ABCC4: variants seen among roughly 807,000 people sequenced by gnomAD.
ABCC4 encodes the protein ATP-binding cassette sub-family C member 4.
A neutral mutation model predicts 168.5 loss-of-function variants in ABCC4; 102 were observed. The ratio of observed to expected loss-of-function variants is 0.61; its 90% confidence interval spans 0.52 to 0.71. The LOEUF (loss-of-function observed/expected upper bound fraction) is 0.71, where lower values mean the gene tolerates loss of function less well. Ranked by LOEUF, ABCC4 falls within the 30% of genes least tolerant of loss-of-function variation. ABCC4 has a pLI of 0.00. For missense variants in ABCC4, 1,402 were observed against 1,605.8 expected, an observed-to-expected ratio of 0.87 and a Z score of 2.17; for synonymous variants, 617 against 590.7, an observed-to-expected ratio of 1.04 and a Z score of -0.65.
chr13:95,282,181 C>T (rs1412501108), intron 1 of ABCC4, among the ~76,000 whole-genome samples: 1 of 151,732 alleles, frequency 6.6e-6, no homozygotes, highest in Non-Finnish European at 1.5e-5. Context: ...CAATCACATT[C>T]TGAAGTACTA....
At chr13:95,195,207 C>T (rs937422753) in intron 8 of ABCC4, among the ~76,000 whole-genome samples, 3 of 151,972 alleles carry the variant, frequency 2.0e-5, no homozygotes, top group African/African-American at 7.3e-5. Context: ...CTAAATAAAC[C>T]GAAAATACTG....
chr13:95,110,569 T>C (rs1163794623), intron 20 of ABCC4, among the ~76,000 whole-genome samples: 2 of 152,200 alleles, frequency 1.3e-5, no homozygotes, highest in East Asian at 1.9e-4. Context: ...AAGATATTAT[T>C]AATACAAATA....
chr13:95,116,619 G>A (rs1158143614), intron 19 of ABCC4, among the ~76,000 whole-genome samples: 2 of 152,040 alleles, frequency 1.3e-5, no homozygotes, highest in African/African-American at 4.8e-5. Context: ...GAACACAAGA[G>A]GAAATTATGC....
intron 16 of ABCC4, 146 bp from the exon 17 acceptor site, chr13:95,163,793 G>A (rs968143604): frequency 7.5e-6 from 5 of 665,252 alleles, no homozygotes; most frequent in African/African-American, 3.6e-5. Flanking sequence ...AGCACTTTGG[G>A]AGGCTGAGGC....
At chr13:95,101,228 A>G in intron 20 of ABCC4, among the ~76,000 whole-genome samples, 1 of 152,022 alleles carries the variant, frequency 6.6e-6, no homozygotes, top group South Asian at 2.1e-4. Context: ...GGGAGGAGGG[A>G]CTGGCACATT....
At chr13:95,284,780 T>A (rs1157182251) in intron 1 of ABCC4, among the ~76,000 whole-genome samples, 1 of 152,176 alleles carries the variant, frequency 6.6e-6, no homozygotes, top group African/African-American at 2.4e-5. Flanking sequence ...TGTGCTAAGT[T>A]ACCTACCTGG....
At chr13:95,047,251 G>C (rs1430395548) in intron 27 of ABCC4, among the ~76,000 whole-genome samples, 1 of 151,956 alleles carries the variant, frequency 6.6e-6, no homozygotes, top group Non-Finnish European at 1.5e-5. Context: ...CTGCCAACTG[G>C]GCAAGTTCCT....
At position 95,235,332 on chromosome 13, in the gene ABCC4, T is replaced by C. The variant is rs541346222; in HGVS notation, c.307-498A>G. On this transcript the variant is annotated intron_variant, in intron 3 of 30. Coordinates refer to ENST00000645237, the MANE Select transcript of ABCC4 (RefSeq NM_005845.5). ...ATCAAAATTCTAATTTCAAAGTCAATAAAGTTTTAGTACATTGTGCTTGGT... is the reference window on the plus strand; with the variant it reads ...ATCAAAATTCTAATTTCAAAGTCAACAAAGTTTTAGTACATTGTGCTTGGT... 3.3e-3 allele frequency among the ~76,000 whole-genome samples: 498 copies of C among 152,300 alleles called. 3 individuals are homozygous for C. The highest frequency in any genetic ancestry group is 5.7e-3 in the Non-Finnish European group (390 of 68,022).
chr13:95,114,265 A>G (rs2035298279), intron 20 of ABCC4, among the ~76,000 whole-genome samples: 1 of 152,184 alleles, frequency 6.6e-6, no homozygotes, highest in Admixed American at 6.6e-5. Flanking sequence ...ATTGACATCA[A>G]GTAGCATCCA....
chr13:95,058,028 C>T (rs531451029), intron 26 of ABCC4, among the ~76,000 whole-genome samples: 5 of 152,294 alleles, frequency 3.3e-5, no homozygotes, highest in African/African-American at 9.6e-5. Flanking sequence ...TGAGCTCCCA[C>T]AAGGTAAGGC....
chr13:95,254,314 C>A (rs1315642836), intron 1 of ABCC4, among the ~76,000 whole-genome samples: 1 of 152,096 alleles, frequency 6.6e-6, no homozygotes, highest in Non-Finnish European at 1.5e-5. Context: ...AGCTTTCAAC[C>A]TCTTTATATA....
Position 95,247,636 on chromosome 13 carries a change from G to A in ABCC4, c.185+7C>T, listed in dbSNP as rs11568700. 4,001 of 1,609,654 alleles carry A rather than the reference G, an allele frequency of 2.5e-3. 71 individuals carry two copies. In the African/African-American group the frequency reaches 0.045, roughly 18 times the overall value. On this transcript the variant is annotated splice_region_variant and intron_variant, in intron 2 of 30. Coordinates refer to ENST00000645237, the MANE Select transcript of ABCC4 (RefSeq NM_005845.5). ...CCTTAATGCCCACTTTACTGCCTCCGACTTACCCTTGCAACTCCTCTCCAA... is the reference window on the plus strand; with the variant it reads ...CCTTAATGCCCACTTTACTGCCTCCAACTTACCCTTGCAACTCCTCTCCAA...
chr13:95,285,549 CAAAT>C (rs1048239905), intron 1 of ABCC4, among the ~76,000 whole-genome samples: 1 of 152,110 alleles, frequency 6.6e-6, no homozygotes, highest in African/African-American at 2.4e-5. Flanking sequence ...GACTCCATCT[CAAAT>C]AAATAAATAA....
At chr13:95,167,471 G>A (rs9590192) in intron 14 of ABCC4, among the ~76,000 whole-genome samples, 4,385 of 152,210 alleles carry the variant, frequency 0.029, 204 homozygotes, top group African/African-American at 0.099. Flanking sequence ...GGTGGGGGAA[G>A]GTGGCCAGGA....
At chr13:95,173,010 C>G (rs1029277103) in intron 13 of ABCC4, among the ~76,000 whole-genome samples, 1 of 152,152 alleles carries the variant, frequency 6.6e-6, no homozygotes, top group African/African-American at 2.4e-5. Flanking sequence ...TGAGCACTGA[C>G]GAAGTACCAG....
At chr13:95,028,177 T>A (rs1353753001) in intron 30 of ABCC4, among the ~76,000 whole-genome samples, 11 of 152,180 alleles carry the variant, frequency 7.2e-5, no homozygotes, top group Admixed American at 5.2e-4. Context: ...TGACAGGTAC[T>A]ACAAAGAGAA....
chr13:95,062,927 G>A (rs1303204907), intron 25 of ABCC4, 68 bp from the exon 26 acceptor site: 1 of 1,540,532 alleles, frequency 6.5e-7, no homozygotes, highest in Non-Finnish European at 8.7e-7. Flanking sequence ...AGCAAAACTA[G>A]GAGAAAACTT....
At position 95,284,926 on chromosome 13, in the gene ABCC4, A is replaced by G. The variant is rs2138929894; in HGVS notation, c.74+16315T>C. On this transcript the variant is annotated intron_variant, in intron 1 of 30. Transcript: ENST00000645237. Reference sequence around the variant, plus strand: ...AATAGCCCCCCTGCCTACAGGAAGCAGTACATAATTATAATGTCTAAATAT... The same window carrying G: ...AATAGCCCCCCTGCCTACAGGAAGCGGTACATAATTATAATGTCTAAATAT... Among the ~76,000 whole-genome samples, 4 of 152,324 alleles carry G rather than the reference A, an allele frequency of 2.6e-5. No individual in the cohort carries two copies. The East Asian group carries it at 5.8e-4, about 22-fold the overall frequency.
At position 95,162,561 on chromosome 13, in the gene ABCC4, C is replaced by T. The variant is rs1225557100; in HGVS notation, c.2308+561G>A. On this transcript the variant is annotated intron_variant, in intron 18 of 30. Transcript: ENST00000645237. ...CTCAAGGTAAGAAATAGAAGGCATCCTAATTCCCAGACACTGGATTTTTCC... is the reference window on the plus strand; with the variant it reads ...CTCAAGGTAAGAAATAGAAGGCATCTTAATTCCCAGACACTGGATTTTTCC... 2.0e-5 allele frequency among the ~76,000 whole-genome samples: 3 copies of T among 152,200 alleles called. No individual in the cohort carries two copies. The East Asian group carries it at 5.8e-4, about 29-fold the overall frequency.
Sources: gnomAD v4.1 joint callset for allele counts (sites outside exome capture counted in the v4.1 genomes callset) on GRCh38, gnomAD v4.1.1 for gene constraint, MANE v1.5 for transcripts, NCBI Gene and HGNC (gene_info 2026-07-23, HGNC 2026-07-21) for gene names.